The following TAFA5 variants were observed in gnomAD, a reference collection of about 807,000 sequenced individuals.
TAFA5 encodes the protein TAFA chemokine like family member 5.
TAFA5 carries 6 observed loss-of-function variants against 15.3 expected under a neutral mutation model. The observed-to-expected ratio is 0.39, with a 90% confidence interval of 0.21 to 0.77. The LOEUF is 0.77. Ranked by LOEUF, TAFA5 falls within the 30% of genes least tolerant of loss-of-function variation. The pLI is 0.41. For missense variants in TAFA5, 161 were observed against 193.1 expected, an observed-to-expected ratio of 0.83 and a Z score of 0.98; for synonymous variants, 103 against 80.7, an observed-to-expected ratio of 1.28 and a Z score of -1.48.
intron 1 of TAFA5, among the ~76,000 whole-genome samples, chr22:48,495,393 G>A (rs1382143099): frequency 6.6e-6 from 1 of 152,216 alleles, no homozygotes; most frequent in African/African-American, 2.4e-5. Flanking sequence ...CGAAGATGAT[G>A]GGGGAGCAGC....
intron 1 of TAFA5, chr22:48,576,578 G>A (rs1923814269): frequency 1.4e-6 from 2 of 1,457,480 alleles, no homozygotes; most frequent in Non-Finnish European, 1.8e-6. Context: ...GAAGGTAATT[G>A]TCCCCGGGCG....
At chr22:48,682,673 C>G (rs758736041) in intron 2 of TAFA5, among the ~76,000 whole-genome samples, 1 of 152,180 alleles carries the variant, frequency 6.6e-6, no homozygotes, top group East Asian at 1.9e-4. Context: ...CAGTCATTGT[C>G]GCTGTATTGA....
At chr22:48,605,472 T>A (rs1569044355) in intron 1 of TAFA5, among the ~76,000 whole-genome samples, 1 of 149,224 alleles carries the variant, frequency 6.7e-6, no homozygotes, top group South Asian at 2.1e-4. Flanking sequence ...GTAATGATGA[T>A]GTTGGTGGTG....
At chr22:48,554,179 G>A (rs886939645) in intron 1 of TAFA5, among the ~76,000 whole-genome samples, 13 of 152,150 alleles carry the variant, frequency 8.5e-5, no homozygotes, top group Admixed American at 5.2e-4. Flanking sequence ...AAGGGCTCCC[G>A]GCAAAAATGT....
chr22:48,591,695 C>G (rs1172549210), intron 1 of TAFA5, among the ~76,000 whole-genome samples: 1 of 150,908 alleles, frequency 6.6e-6, no homozygotes, highest in African/African-American at 2.4e-5. Flanking sequence ...TGGGCCTGAC[C>G]CTGAGCTGGC....
chr22:48,576,401 T>C, intron 1 of TAFA5: 1 of 1,235,680 alleles, frequency 8.1e-7, no homozygotes, highest in Non-Finnish European at 1.0e-6. Flanking sequence ...CCGCGGAGGC[T>C]GCACCCGGCG....
At chr22:48,660,352 A>G (rs550726601) in intron 2 of TAFA5, among the ~76,000 whole-genome samples, 56 of 152,292 alleles carry the variant, frequency 3.7e-4, no homozygotes, top group African/African-American at 1.2e-3. Context: ...TTTGGAGCAG[A>G]AGTGGCGCTT....
chr22:48,490,803 C>A lies in TAFA5; in HGVS notation c.112+1099C>A, dbSNP rs1928125578. Among the ~76,000 whole-genome samples the A allele has an allele frequency of 7.8e-6, 1 of 127,920 alleles. No individual in the cohort carries two copies. The highest frequency in any genetic ancestry group is 7.2e-5 in the Admixed American group (1 of 13,804). 83.9% of individuals were successfully genotyped at this position (127,920 alleles called of 152,430 possible). On this transcript the variant is annotated intron_variant, in intron 1 of 3. Transcript: ENST00000402357. This position sits in a 1 kb window ranked among gnomAD's most constrained non-coding sequence, Gnocchi z 5.8. ...CAAAAAAAAAAAAAAAAGGCCAGCA[C>A]CGAACCTCCCTCCACAGACACCACC... is the stretch of plus-strand genomic sequence containing the variant.
chr22:48,542,527 GTGGTGT>G, intron 1 of TAFA5, among the ~76,000 whole-genome samples: 1 of 104,942 alleles, frequency 9.5e-6, no homozygotes, highest in Non-Finnish European at 1.9e-5. Flanking sequence ...GTGTGCATGT[GTGGTGT>G]GTGGTGTGTG....
chr22:48,694,387 AC>A (rs143228883), intron 2 of TAFA5, among the ~76,000 whole-genome samples: 3,327 of 152,164 alleles, frequency 0.022, 116 homozygotes, highest in African/African-American at 0.075. Flanking sequence ...CTGCTGGGAC[AC>A]CCTGCGCGTT....
At chr22:48,687,525 C>T (rs995576501) in intron 2 of TAFA5, among the ~76,000 whole-genome samples, 2 of 152,138 alleles carry the variant, frequency 1.3e-5, no homozygotes, top group African/African-American at 2.4e-5. Flanking sequence ...TTCTGTGAGC[C>T]TTGATGGATC....
chr22:48,575,161 G>C lies in TAFA5; in HGVS notation c.113-71436G>C, dbSNP rs575583671. Among the ~76,000 whole-genome samples, 5 of 152,286 alleles carry C rather than the reference G, an allele frequency of 3.3e-5. No homozygotes were observed. The South Asian group carries it at 6.2e-4, about 19-fold the overall frequency. On this transcript the variant is annotated intron_variant, in intron 1 of 3. Transcript: ENST00000402357. ...CTGTCTCTCCTGGGGCCTTGGGTGC[G>C]AGGGAGGCTGGGCGCCACTCGAGGC...
At chr22:48,537,162 G>A (rs746944065) in intron 1 of TAFA5, among the ~76,000 whole-genome samples, 8 of 148,592 alleles carry the variant, frequency 5.4e-5, no homozygotes, top group Non-Finnish European at 7.5e-5. Flanking sequence ...CCGATGGAAC[G>A]GATTGTTCTG....
At chr22:48,638,027 C>T (rs1047234744) in intron 1 of TAFA5, among the ~76,000 whole-genome samples, 6 of 152,022 alleles carry the variant, frequency 3.9e-5, no homozygotes, top group African/African-American at 9.7e-5. Flanking sequence ...GTGCAAGGGG[C>T]GGCCAGGGTA....
chr22:48,726,374 G>A (rs1056013017), intron 3 of TAFA5, among the ~76,000 whole-genome samples: 1 of 152,246 alleles, frequency 6.6e-6, no homozygotes, highest in Admixed American at 6.5e-5. Flanking sequence ...TTACATACAG[G>A]GTAGAGAGGC....
At chr22:48,748,975 G>A (rs1372287820) in intron 3 of TAFA5, among the ~76,000 whole-genome samples, 1 of 152,170 alleles carries the variant, frequency 6.6e-6, no homozygotes, top group African/African-American at 2.4e-5. Flanking sequence ...AGATTCTCAG[G>A]GCTGCCTGGG....
chr22:48,705,364 G>C (rs968134767), intron 2 of TAFA5, among the ~76,000 whole-genome samples: 1 of 152,184 alleles, frequency 6.6e-6, no homozygotes, highest in Admixed American at 6.5e-5. Context: ...GCAGGCTTCA[G>C]GCAGCTCCTC....
chr22:48,516,042 G>A (rs1231093267), intron 1 of TAFA5, among the ~76,000 whole-genome samples: 5 of 151,952 alleles, frequency 3.3e-5, no homozygotes, highest in African/African-American at 9.7e-5. Context: ...AGCACCCGCC[G>A]GCCTTGACCT....
chr22:48,643,294 C>T (rs183993006), intron 1 of TAFA5, among the ~76,000 whole-genome samples: 1 of 152,172 alleles, frequency 6.6e-6, no homozygotes, highest in Non-Finnish European at 1.5e-5. Context: ...GCCCTGATGC[C>T]TCCTCTGGGA....
Sources: gnomAD v4.1 joint callset for allele counts (sites outside exome capture counted in the v4.1 genomes callset) on GRCh38, gnomAD v4.1.1 for gene constraint, Gnocchi (gnomAD v3.1) non-coding constraint, MANE v1.5 for transcripts, NCBI Gene and HGNC (gene_info 2026-07-23, HGNC 2026-07-21) for gene names.